The following TPH2 variants were observed in gnomAD, a reference collection of about 807,000 sequenced individuals.
TPH2 encodes tryptophan 5-hydroxylase 2.
TPH2 carries 27 observed loss-of-function variants against 59.1 expected under a neutral mutation model. That is an observed-to-expected ratio of 0.46 (90% confidence interval 0.34 to 0.63). The LOEUF (loss-of-function observed/expected upper bound fraction) is 0.63. Among genes scored for constraint, TPH2 ranks in the 30% least tolerant of loss-of-function variants. The pLI is 0.01. For missense variants in TPH2, 523 were observed against 588.3 expected (o/e 0.89, Z 1.15); for synonymous variants, 220 against 210.5 (o/e 1.05, Z -0.39).
At position 71,961,517 on chromosome 12, in the gene TPH2, C is replaced by A. The variant is rs571571701; in HGVS notation, c.609-11002C>A. On this transcript the variant is annotated intron_variant, in intron 5 of 10. Transcript: ENST00000333850. ...AGGTGCAAGATGTATCTGATTAAATCTGTGACTCTTCATTCTTTGTGAATC... is the reference window on the plus strand; with the variant it reads ...AGGTGCAAGATGTATCTGATTAAATATGTGACTCTTCATTCTTTGTGAATC... 1.0e-5 allele frequency: 14 copies of A among 1,350,806 alleles called. No homozygotes were observed. The African/African-American group carries it at 1.8e-4, about 17-fold the overall frequency. 83.7% of individuals were successfully genotyped at this position (1,350,806 alleles called of 1,614,324 possible). A position where few individuals can be genotyped will look rare whatever the true frequency, so the allele number is the denominator to read the frequency against.
At chr12:71,994,193 G>C (rs780577153) in intron 7 of TPH2, among the ~76,000 whole-genome samples, 8 of 152,216 alleles carry the variant, frequency 5.3e-5, no homozygotes, top group Non-Finnish European at 1.0e-4. Context: ...TATAGTAAGA[G>C]CTTGAAAATA....
At chr12:71,994,180 G>T (rs1391466936) in intron 7 of TPH2, among the ~76,000 whole-genome samples, 3 of 152,114 alleles carry the variant, frequency 2.0e-5, no homozygotes, top group Admixed American at 2.0e-4. Flanking sequence ...CATGTACTTG[G>T]TATATAGTAA....
intron 9 of TPH2, among the ~76,000 whole-genome samples, chr12:72,024,710 G>T (rs1873521754): frequency 6.6e-6 from 1 of 152,212 alleles, no homozygotes; most frequent in South Asian, 2.1e-4. Context: ...GGATCTTCTG[G>T]TCTGGTTAAT....
At chr12:72,025,512 T>C (rs1399759402) in intron 9 of TPH2, among the ~76,000 whole-genome samples, 2 of 152,182 alleles carry the variant, frequency 1.3e-5, no homozygotes, top group African/African-American at 4.8e-5. Flanking sequence ...TTCCTCTTAT[T>C]TTTTGACAAT....
At chr12:71,972,847 A>G (rs1237047001) in intron 6 of TPH2, 132 bp downstream of exon 6, 2 of 967,440 alleles carry the variant, frequency 2.1e-6, no homozygotes, top group South Asian at 3.1e-5. Context: ...CTTTGAGCCA[A>G]CAATTACCTG....
At chr12:72,007,512 G>A (rs1872986039) in intron 8 of TPH2, among the ~76,000 whole-genome samples, 1 of 152,122 alleles carries the variant, frequency 6.6e-6, no homozygotes, top group Admixed American at 6.6e-5. Context: ...TCGCAGTTTG[G>A]ATGTAAGATG....
In TPH2 at chr12:72,016,343, G is replaced by A. The variant is rs190064619; in HGVS notation, c.1069-6056G>A. Among the ~76,000 whole-genome samples, 259 of 152,132 alleles carry A rather than the reference G, an allele frequency of 1.7e-3. 2 individuals carry two copies. Among genetic ancestry groups the A allele is most frequent in the Middle Eastern group, 6.8e-3 (2 of 294 alleles). On this transcript the variant is annotated intron_variant, in intron 8 of 10. Coordinates refer to ENST00000333850, the MANE Select transcript of TPH2 (RefSeq NM_173353.4). ...TTACTCAAACACCAAATATTGTATT[G>A]ATGAACTTTTTGGGTTGGGCTGCTT...
chr12:72,023,672 T>C (rs908983523), intron 9 of TPH2, among the ~76,000 whole-genome samples: 2 of 151,598 alleles, frequency 1.3e-5, no homozygotes, highest in Admixed American at 1.3e-4. Flanking sequence ...TCTACAAAAA[T>C]GCAAAAATTA....
chr12:72,023,526 A>G (rs1428619516), intron 9 of TPH2, among the ~76,000 whole-genome samples: 1 of 152,136 alleles, frequency 6.6e-6, no homozygotes, highest in Non-Finnish European at 1.5e-5. Context: ...GACAAGTAAT[A>G]ATGATGAAGA....
In TPH2 at chr12:71,939,108, T is replaced by A. The variant is rs751083962; in HGVS notation, c.105+17T>A. On this transcript the variant is annotated intron_variant, in intron 1 of 10. Coordinates refer to ENST00000333850, the MANE Select transcript of TPH2 (RefSeq NM_173353.4). Reference sequence around the variant, plus strand: ...AGCTCAACAGTGAGTACTACGTACCTGGCACTATGGAGAATTATTTTTTAG... The same window carrying A: ...AGCTCAACAGTGAGTACTACGTACCAGGCACTATGGAGAATTATTTTTTAG... The A allele has an allele frequency of 1.2e-5, 19 of 1,585,284 alleles. No individual in the cohort carries two copies. The South Asian group carries it at 2.1e-4, about 18-fold the overall frequency.
intron 8 of TPH2, among the ~76,000 whole-genome samples, chr12:72,021,221 T>G (rs1333088994): frequency 2.6e-5 from 4 of 151,826 alleles, no homozygotes; most frequent in Non-Finnish European, 2.9e-5. Context: ...TTTGTTTTTC[T>G]TTTTTTTTCT....
At chr12:72,027,409 A>G (rs560277920) in intron 9 of TPH2, among the ~76,000 whole-genome samples, 4 of 152,340 alleles carry the variant, frequency 2.6e-5, no homozygotes, top group Non-Finnish European at 5.9e-5. Context: ...TGCATCCATT[A>G]CCTCATTTAA....
intron 5 of TPH2, among the ~76,000 whole-genome samples, chr12:71,957,325 G>C (rs938568458): frequency 2.7e-5 from 4 of 145,892 alleles, no homozygotes; most frequent in African/African-American, 1.0e-4. Context: ...AATGAGTAAA[G>C]GATTTTTTTT....
chr12:71,944,178 T>C (rs1566111481), intron 2 of TPH2, 116 bp from the exon 3 acceptor site: 1 of 1,000,712 alleles, frequency 1.0e-6, no homozygotes, highest in South Asian at 1.4e-5. Context: ...ACAAAGAGAT[T>C]GTCTCTTCCT....
intron 8 of TPH2, among the ~76,000 whole-genome samples, chr12:71,997,217 A>G (rs1872714166): frequency 6.6e-6 from 1 of 151,700 alleles, no homozygotes; most frequent in Non-Finnish European, 1.5e-5. Context: ...CTGTCATCAC[A>G]TCTCTCTCTC....
chr12:71,987,290 C>T (rs1242266755), intron 7 of TPH2, among the ~76,000 whole-genome samples: 1 of 152,200 alleles, frequency 6.6e-6, no homozygotes, highest in Non-Finnish European at 1.5e-5. Context: ...ATCACCTGCT[C>T]TATTCAGTTG....
At chr12:71,976,707 G>T (rs958327677) in intron 6 of TPH2, among the ~76,000 whole-genome samples, 1 of 152,174 alleles carries the variant, frequency 6.6e-6, no homozygotes, top group African/African-American at 2.4e-5. Context: ...GTCTGAGGAG[G>T]CCTGAGAACA....
intron 8 of TPH2, among the ~76,000 whole-genome samples, chr12:72,016,732 A>G (rs1165005007): frequency 6.6e-6 from 1 of 152,178 alleles, no homozygotes; most frequent in Non-Finnish European, 1.5e-5. Context: ...GGCGATAGGG[A>G]AAATATATCA....
intron 5 of TPH2, among the ~76,000 whole-genome samples, chr12:71,967,054 A>G (rs951705372): frequency 1.3e-5 from 2 of 152,250 alleles, no homozygotes; most frequent in Non-Finnish European, 2.9e-5. Context: ...TTGCTTATTC[A>G]TCTGGCTGTA....
Sources: allele counts gnomAD v4.1 joint callset (sites outside exome capture counted in the v4.1 genomes callset), GRCh38; gene constraint gnomAD v4.1.1; transcripts MANE v1.5; gene names NCBI Gene and HGNC (gene_info 2026-07-23, HGNC 2026-07-21).